TNFRSF19: variants seen among roughly 807,000 people sequenced by gnomAD.
The protein encoded by TNFRSF19 is TNF receptor superfamily member 19, also known as tumor necrosis factor receptor superfamily member 19.
In TNFRSF19, 27 loss-of-function variants were observed where a neutral mutation model predicts 46.4. The ratio of observed to expected loss-of-function variants is 0.58; its 90% CI spans 0.43 to 0.80. The LOEUF is 0.80. Ranked by LOEUF, TNFRSF19 falls within the 30% of genes least tolerant of loss-of-function variation. The pLI, the probability that TNFRSF19 is intolerant of heterozygous loss-of-function variation, is 0.00. For missense variants in TNFRSF19, 511 were observed against 530.8 expected (o/e 0.96, Z 0.37); for synonymous variants, 204 against 205.0 (o/e 1.00, Z 0.04).
chr13:23,605,004 A>T (rs1048550575), intron 3 of TNFRSF19, among the ~76,000 whole-genome samples: 1 of 152,216 alleles, frequency 6.6e-6, no homozygotes, highest in Admixed American at 6.5e-5. Context: ...ACTCTGCATA[A>T]GACACTGTTG....
chr13:23,668,973 A>G lies in TNFRSF19; in HGVS notation c.1121A>G (p.Asp374Gly), dbSNP rs779783393. The change falls in exon 9 of 10, where the codon GAT becomes GGT. Residue 374 changes from aspartate to glycine, a missense_variant. Physicochemically the swap from Asp to Gly is moderately conservative, Grantham distance 94 (BLOSUM62 -1). Transcript: ENST00000248484. ...SHSENFTAAT[D>G]LSRYNNTLVE... ...TCTGAAAACTTTACAGCAGCTACTGATTTATCTAGATATAACAACACACTG... is the reference window on the plus strand; with the variant it reads ...TCTGAAAACTTTACAGCAGCTACTGGTTTATCTAGATATAACAACACACTG... The G allele has an allele frequency of 5.0e-6, 8 of 1,614,110 alleles. No individual in the cohort carries two copies.
chr13:23,618,440 A>C (rs1881447900), intron 4 of TNFRSF19, among the ~76,000 whole-genome samples: 1 of 152,240 alleles, frequency 6.6e-6, no homozygotes, highest in South Asian at 2.1e-4. Flanking sequence ...AATCAAACCC[A>C]CATTCTTCAA....
At chr13:23,641,503 G>A (rs1593279865) in intron 5 of TNFRSF19, among the ~76,000 whole-genome samples, 1 of 151,986 alleles carries the variant, frequency 6.6e-6, no homozygotes, top group African/African-American at 2.4e-5. Context: ...CTAATTTTTT[G>A]TATTTTTAGC....
At chr13:23,669,304 C>T in intron 9 of TNFRSF19, 1 of 1,388,028 alleles carries the variant, frequency 7.2e-7, no homozygotes, top group Non-Finnish European at 9.3e-7. Flanking sequence ...GCAAAGTGGA[C>T]AGCTGCATTC....
intron 1 of TNFRSF19, among the ~76,000 whole-genome samples, chr13:23,584,948 G>C (rs1878716231): frequency 6.6e-6 from 1 of 152,074 alleles, no homozygotes; most frequent in Non-Finnish European, 1.5e-5. Context: ...TGTTTTGTTT[G>C]GAAATAGCAT....
At position 23,660,356 on chromosome 13, in the gene TNFRSF19, C is replaced by A. The variant is rs374944686; in HGVS notation, c.611-9C>A. 1.2e-6 allele frequency: 2 copies of A among 1,611,840 alleles called. No homozygotes were observed. The highest frequency in any genetic ancestry group is 1.7e-6 in the Non-Finnish European group (2 of 1,178,790). Reference sequence around the variant, plus strand: ...GTGTTCCCTGACAGAGTTCTCACCCCTCATTTAGGGTCTCTGCGGTCACAG... The same window carrying A: ...GTGTTCCCTGACAGAGTTCTCACCCATCATTTAGGGTCTCTGCGGTCACAG... On this transcript the variant is annotated splice_polypyrimidine_tract_variant and intron_variant, in intron 6 of 9. Transcript: ENST00000248484.
At chr13:23,622,777 C>T (rs1294872711) in intron 4 of TNFRSF19, among the ~76,000 whole-genome samples, 1 of 151,972 alleles carries the variant, frequency 6.6e-6, no homozygotes, top group East Asian at 1.9e-4. Flanking sequence ...GTATAAAACA[C>T]TATTTTGTGC....
Position 23,612,203 on chromosome 13 carries a change from C to A in TNFRSF19, c.181-3664C>A, listed in dbSNP as rs562673992. ...TGTCAATCTGTGCTAACCAATGTCA[C>A]CATGGGTTGGAGGCTGTCGAGCTTC... On this transcript the variant is annotated intron_variant, in intron 3 of 9. Coordinates refer to ENST00000248484, the MANE Select transcript of TNFRSF19 (RefSeq NM_148957.4). Among the ~76,000 whole-genome samples, 3 of 152,290 alleles carry A rather than the reference C, an allele frequency of 2.0e-5. No individual in the cohort carries two copies. The East Asian group carries it at 5.8e-4, about 29-fold the overall frequency.
chr13:23,587,888 C>T (rs183300874), intron 1 of TNFRSF19, among the ~76,000 whole-genome samples: 1 of 152,320 alleles, frequency 6.6e-6, no homozygotes, highest in East Asian at 1.9e-4. Flanking sequence ...TTAGTGGATT[C>T]TTAGTCTTCA....
intron 5 of TNFRSF19, among the ~76,000 whole-genome samples, chr13:23,637,903 G>C (rs1006607439): frequency 6.6e-6 from 1 of 152,228 alleles, no homozygotes; most frequent in African/African-American, 2.4e-5. Flanking sequence ...CTGGAGGCCG[G>C]AGCCCAAAAT....
intron 3 of TNFRSF19, among the ~76,000 whole-genome samples, chr13:23,608,008 A>T (rs1316777999): frequency 6.6e-6 from 1 of 152,206 alleles, no homozygotes; most frequent in Non-Finnish European, 1.5e-5. Flanking sequence ...TACCATAAAA[A>T]TGTGTAGTCA....
chr13:23,592,062 A>G (rs999573261), intron 2 of TNFRSF19, among the ~76,000 whole-genome samples: 41 of 151,998 alleles, frequency 2.7e-4, no homozygotes, highest in African/African-American at 9.9e-4. Context: ...CTCACCTTGA[A>G]TTCTTCCTCC....
intron 3 of TNFRSF19, among the ~76,000 whole-genome samples, chr13:23,595,648 A>G (rs1879667241): frequency 1.3e-5 from 2 of 152,220 alleles, no homozygotes; most frequent in African/African-American, 4.8e-5. Flanking sequence ...TGTCCCTGAA[A>G]GTGACGGGGA....
chr13:23,623,356 A>T (rs1238936314), intron 4 of TNFRSF19, among the ~76,000 whole-genome samples: 2 of 152,174 alleles, frequency 1.3e-5, no homozygotes, highest in African/African-American at 4.8e-5. Context: ...TCATCAGTGG[A>T]CATTTGGGTT....
At chr13:23,668,538 TTGAGA>T (rs1272016955) in intron 8 of TNFRSF19, among the ~76,000 whole-genome samples, 149 bp from the exon 9 acceptor site, 2 of 152,218 alleles carry the variant, frequency 1.3e-5, no homozygotes, top group Non-Finnish European at 2.9e-5. Context: ...ACTTATTGTA[TTGAGA>T]TGAGTTTATA....
chr13:23,579,680 C>CGCG (rs1878254276), intron 1 of TNFRSF19, among the ~76,000 whole-genome samples: 1 of 152,110 alleles, frequency 6.6e-6, no homozygotes, highest in Non-Finnish European at 1.5e-5. Context: ...CGGAGTACTG[C>CGCG]GCGGCGAAGG....
intron 7 of TNFRSF19, among the ~76,000 whole-genome samples, chr13:23,665,064 G>T (rs546322841): frequency 6.6e-6 from 1 of 152,124 alleles, no homozygotes; most frequent in African/African-American, 2.4e-5. Flanking sequence ...AATGGGTGAA[G>T]AATAAAATAC....
At chr13:23,616,352 C>G (rs1248248338) in intron 4 of TNFRSF19, among the ~76,000 whole-genome samples, 1 of 152,162 alleles carries the variant, frequency 6.6e-6, no homozygotes, top group African/African-American at 2.4e-5. Context: ...CAAAAATGAA[C>G]AAGCAACCCA....
At position 23,575,995 on chromosome 13, in the gene TNFRSF19, A is replaced by G. The variant is rs994673433; in HGVS notation, c.-35+5147A>G. 5.3e-5 allele frequency among the ~76,000 whole-genome samples: 8 copies of G among 152,342 alleles called. No homozygotes were observed. In the East Asian group the frequency reaches 1.5e-3, roughly 29 times the overall value. ...ATCTTAAAAACAAACACCTCTATCAAGATTGTCATAGCAATTTTGCTTTTC... is the reference window on the plus strand; with the variant it reads ...ATCTTAAAAACAAACACCTCTATCAGGATTGTCATAGCAATTTTGCTTTTC... On this transcript the variant is annotated intron_variant, in intron 1 of 9. Transcript: ENST00000248484.
Sources: allele counts gnomAD v4.1 joint callset (sites outside exome capture counted in the v4.1 genomes callset), GRCh38; gene constraint gnomAD v4.1.1; transcripts MANE v1.5; gene names NCBI Gene and HGNC (gene_info 2026-07-23, HGNC 2026-07-21).